The following EPS15 variants were observed in gnomAD, a reference collection of about 807,000 sequenced individuals.
EPS15 encodes the protein epidermal growth factor receptor substrate 15.
In EPS15, 72 loss-of-function variants were observed where a neutral mutation model predicts 113.8. That is an observed-to-expected ratio of 0.63 (90% confidence interval 0.52 to 0.77). EPS15 has a LOEUF of 0.77. EPS15 is among the 30% of genes least tolerant of loss of function. EPS15 has a pLI of 0.00. For synonymous variants in EPS15, 344 were observed against 363.4 expected (o/e 0.95, Z 0.61); for missense variants, 1,048 against 1,045.8 (o/e 1.00, Z -0.03).
chr1:51,430,821 T>C (rs904895342), intron 12 of EPS15, among the ~76,000 whole-genome samples: 2 of 151,818 alleles, frequency 1.3e-5, no homozygotes. Context: ...TAGCTGGGCA[T>C]GATGGCACAT....
intron 5 of EPS15, among the ~76,000 whole-genome samples, chr1:51,466,079 A>C (rs1654823066): frequency 6.8e-6 from 1 of 147,954 alleles, no homozygotes; most frequent in African/African-American, 2.5e-5. Context: ...GGACTAGCAT[A>C]CTAGATTTAA....
intron 12 of EPS15, among the ~76,000 whole-genome samples, chr1:51,436,093 G>T (rs772253131): frequency 6.6e-6 from 1 of 152,184 alleles, no homozygotes. Flanking sequence ...AGAGTACAAA[G>T]AGCAAACACA....
intron 4 of EPS15, among the ~76,000 whole-genome samples, chr1:51,470,797 G>A (rs1430477764): frequency 6.6e-6 from 1 of 151,992 alleles, no homozygotes; most frequent in Non-Finnish European, 1.5e-5. Context: ...TTATTATACT[G>A]TAAAACCTTA....
At chr1:51,488,899 C>G (rs538211924) in intron 1 of EPS15, among the ~76,000 whole-genome samples, 6 of 152,282 alleles carry the variant, frequency 3.9e-5, no homozygotes, top group Non-Finnish European at 7.4e-5. Context: ...AAAGGAAATG[C>G]CTTCTGACTC....
intron 21 of EPS15, among the ~76,000 whole-genome samples, chr1:51,377,358 G>A (rs1036959652): frequency 6.6e-6 from 1 of 152,220 alleles, no homozygotes; most frequent in African/African-American, 2.4e-5. Flanking sequence ...CAACCGTCAT[G>A]TATTACTGAT....
chr1:51,390,162 A>G (rs957215406), intron 21 of EPS15, among the ~76,000 whole-genome samples: 5 of 152,144 alleles, frequency 3.3e-5, no homozygotes, highest in African/African-American at 7.2e-5. Flanking sequence ...ATAACGCCGC[A>G]TATCTACAAC....
chr1:51,417,035 G>C (rs1650284609), intron 13 of EPS15, among the ~76,000 whole-genome samples: 1 of 151,974 alleles, frequency 6.6e-6, no homozygotes, highest in Admixed American at 6.6e-5. Context: ...ACTAGGGTGG[G>C]TGTTAGAAAA....
intron 2 of EPS15, among the ~76,000 whole-genome samples, chr1:51,479,172 C>T (rs1015623818): frequency 3.3e-5 from 5 of 152,220 alleles, no homozygotes; most frequent in African/African-American, 1.2e-4. Context: ...ACTCTTTTTT[C>T]TCTAAACTTC....
At position 51,448,152 on chromosome 1, in the gene EPS15, C is replaced by G; in HGVS notation, c.562-17G>C. 6.5e-7 allele frequency: 1 copy of G among 1,547,956 alleles called. No homozygotes were observed. ...AAACATGGCCTTCAAAATAAATGAACCAGGGTCATATATATTAAAAGCACT... is the reference window on the plus strand; with the variant it reads ...AAACATGGCCTTCAAAATAAATGAAGCAGGGTCATATATATTAAAAGCACT... On this transcript the variant is annotated splice_polypyrimidine_tract_variant and intron_variant, in intron 8 of 24. Transcript: ENST00000371733.
intron 1 of EPS15, among the ~76,000 whole-genome samples, chr1:51,500,886 A>C (rs1644399453): frequency 6.6e-6 from 1 of 151,730 alleles, no homozygotes; most frequent in Non-Finnish European, 1.5e-5. Context: ...TGGGAGGCTG[A>C]GGGAGGAGAA....
At chr1:51,508,338 G>GAGAAAGAAAGAAAGAAAGAGAGAA (rs1644553893) in intron 1 of EPS15, among the ~76,000 whole-genome samples, 5 of 122,248 alleles carry the variant, frequency 4.1e-5, no homozygotes, top group African/African-American at 1.3e-4. Flanking sequence ...AAGAGAAAGA[G>GAGAAAGAAAGAAAGAAAGAGAGAA]AGAAAGAAAG....
At chr1:51,456,368 A>C (rs554917690) in intron 8 of EPS15, among the ~76,000 whole-genome samples, 1 of 152,306 alleles carries the variant, frequency 6.6e-6, no homozygotes, top group South Asian at 2.1e-4. Flanking sequence ...GGGGTCTTTA[A>C]AACAAACAAA....
intron 12 of EPS15, among the ~76,000 whole-genome samples, chr1:51,423,998 T>TA (rs956771480): frequency 1.0e-4 from 15 of 148,192 alleles, no homozygotes; most frequent in East Asian, 3.9e-4. Context: ...CATTCCCAAC[T>TA]AAAAAAAAAA....
chr1:51,493,237 T>C (rs1450947416), intron 1 of EPS15, among the ~76,000 whole-genome samples: 1 of 152,076 alleles, frequency 6.6e-6, no homozygotes, highest in Non-Finnish European at 1.5e-5. Flanking sequence ...GGTGGGCGCC[T>C]GTAGTCCCAG....
At chr1:51,404,583 G>A (rs1363139163) in intron 16 of EPS15, among the ~76,000 whole-genome samples, 3 of 152,162 alleles carry the variant, frequency 2.0e-5, no homozygotes, top group African/African-American at 4.8e-5. Context: ...CCTTCTACGG[G>A]TACAGTCTCA....
chr1:51,410,563 C>A (rs531985780), intron 13 of EPS15, among the ~76,000 whole-genome samples: 2 of 152,180 alleles, frequency 1.3e-5, no homozygotes, highest in Admixed American at 1.3e-4. Context: ...CATACCAGAC[C>A]TCATGCTTAA....
At chr1:51,462,324 T>C (rs755679338) in intron 7 of EPS15, among the ~76,000 whole-genome samples, 5 of 149,822 alleles carry the variant, frequency 3.3e-5, no homozygotes, top group East Asian at 3.9e-4. Flanking sequence ...GATTGCGCCA[T>C]TGCACTCCAG....
chr1:51,442,961 T>C (rs953994424), intron 11 of EPS15, among the ~76,000 whole-genome samples: 3 of 151,928 alleles, frequency 2.0e-5, no homozygotes, highest in Non-Finnish European at 4.4e-5. Context: ...CTGCAAAAAA[T>C]GCAGTACTAA....
intron 21 of EPS15, chr1:51,373,351 T>C (rs918590652): frequency 6.6e-6 from 1 of 152,332 alleles, no homozygotes; most frequent in Non-Finnish European, 1.5e-5. Context: ...CTTGAATGGA[T>C]AGAGGGACTG....
Sources: allele counts gnomAD v4.1 joint callset (sites outside exome capture counted in the v4.1 genomes callset), GRCh38; gene constraint gnomAD v4.1.1; transcripts MANE v1.5; gene names NCBI Gene and HGNC (gene_info 2026-07-23, HGNC 2026-07-21).